PKHD1: variants seen among roughly 807,000 people sequenced by gnomAD.
PKHD1 encodes the protein fibrocystin.
In PKHD1, 291 loss-of-function variants were observed where a neutral mutation model predicts 412.0. The observed-to-expected ratio is 0.71, with a 90% CI of 0.64 to 0.78. The LOEUF is 0.78. PKHD1 is among the 30% of genes least tolerant of loss of function. The pLI, the probability that PKHD1 is intolerant of heterozygous loss-of-function variation, is 0.00. For missense variants in PKHD1, 4,825 were observed against 4,950.7 expected, an observed-to-expected ratio of 0.97 and a Z score of 0.76; for synonymous variants, 1,777 against 1,821.5, an observed-to-expected ratio of 0.98 and a Z score of 0.62.
intron 36 of PKHD1, among the ~76,000 whole-genome samples, chr6:51,956,508 T>C (rs183614311): frequency 1.8e-4 from 27 of 152,220 alleles, no homozygotes; most frequent in Non-Finnish European, 2.6e-4. Context: ...GGCACTGTTC[T>C]AGACCCTGAA....
rs148337538 is a variant in PKHD1 at position 51,699,920 on chromosome 6, AGTGTGT to A, written c.10157-39957_10157-39952del. Among the ~76,000 whole-genome samples the A allele has an allele frequency of 2.7e-3, 371 of 137,898 alleles. 3 individuals are homozygous for A. The highest frequency in any genetic ancestry group is 0.012 in the South Asian group (50 of 4,024). 90.5% of individuals were successfully genotyped at this position (137,898 alleles called of 152,430 possible). A position where few individuals can be genotyped will look rare whatever the true frequency, so the allele number is the denominator to read the frequency against. On this transcript the variant is annotated intron_variant, in intron 60 of 66. Transcript: ENST00000371117. The stretch of plus-strand genomic sequence containing the variant: ...TTTGGCCTCTGGAATATATATATGG[AGTGTGT>A]GTGTGTGTGTGTGTGTGTGTGTGTG...
chr6:51,934,372 G>A (rs377060231), intron 36 of PKHD1, 50 bp from the exon 37 acceptor site: 27 of 1,145,280 alleles, frequency 2.4e-5, no homozygotes, highest in African/African-American at 3.0e-5. Flanking sequence ...AAGGCTTACC[G>A]TTTTGTCAGT....
rs549765844 is a variant in PKHD1, at chr6:51,895,178, G to T, written c.6997-7933C>A. On this transcript the variant is annotated intron_variant, in intron 43 of 66. Transcript: ENST00000371117. Reference sequence around the variant, plus strand: ...ACACAATTAACACTAACTCAGCCAAGAATGGTGGCTCACACCTGTAATTCC... The same window carrying T: ...ACACAATTAACACTAACTCAGCCAATAATGGTGGCTCACACCTGTAATTCC... 1.1e-4 allele frequency among the ~76,000 whole-genome samples: 16 copies of T among 152,350 alleles called. No homozygotes were observed. The South Asian group carries it at 3.3e-3, about 32-fold the overall frequency.
chr6:51,753,426 C>G (rs1332169227), intron 56 of PKHD1, 73 bp from the exon 57 acceptor site: 20 of 1,233,732 alleles, frequency 1.6e-5, no homozygotes, highest in Non-Finnish European at 2.4e-5. Flanking sequence ...GGGGACCCAG[C>G]AAACCTGAGA....
intron 41 of PKHD1, among the ~76,000 whole-genome samples, 163 bp downstream of exon 41, chr6:51,906,052 T>A (rs1225788303): frequency 6.6e-6 from 1 of 152,166 alleles, no homozygotes; most frequent in Non-Finnish European, 1.5e-5. Context: ...AGCCAATCAG[T>A]GATGACTACA....
chr6:51,702,201 C>G (rs10948640), intron 60 of PKHD1, among the ~76,000 whole-genome samples: 49 of 96,886 alleles, frequency 5.1e-4, no homozygotes, highest in African/African-American at 1.4e-3. Flanking sequence ...ATATATTATA[C>G]GTATAATATA....
rs754852008 is a variant in PKHD1 at position 51,903,590 on chromosome 6, A to T, written c.6996+7T>A. Reference sequence around the variant, plus strand: ...TCTGGTCTTCCTGGTAGAGCTGAACATCTTACCTCTATAACATTGGTGGGA... The same window carrying T: ...TCTGGTCTTCCTGGTAGAGCTGAACTTCTTACCTCTATAACATTGGTGGGA... On this transcript the variant is annotated splice_region_variant and intron_variant, in intron 43 of 66. Coordinates refer to ENST00000371117, the MANE Select transcript of PKHD1 (RefSeq NM_138694.4). 3.1e-6 allele frequency: 5 copies of T among 1,608,894 alleles called. No individual in the cohort carries two copies. The Admixed American group carries it at 8.3e-5, about 27-fold the overall frequency.
intron 37 of PKHD1, among the ~76,000 whole-genome samples, chr6:51,931,950 G>A (rs1786685122): frequency 6.6e-6 from 1 of 150,430 alleles, no homozygotes; most frequent in Non-Finnish European, 1.5e-5. Context: ...AGGAAGGGAG[G>A]AAGCATGGAG....
At chr6:51,771,862 A>ATCACGATC (rs1320950941) in intron 55 of PKHD1, among the ~76,000 whole-genome samples, 1 of 152,076 alleles carries the variant, frequency 6.6e-6, no homozygotes, top group African/African-American at 2.4e-5. Context: ...TAGATGTGGC[A>ATCACGATC]TCACGATCTT....
intron 60 of PKHD1, among the ~76,000 whole-genome samples, chr6:51,697,678 T>A (rs531133601): frequency 1.3e-5 from 2 of 152,228 alleles, no homozygotes; most frequent in African/African-American, 4.8e-5. Flanking sequence ...GAGAAGTCAG[T>A]GCTACAGAGG....
intron 35 of PKHD1, among the ~76,000 whole-genome samples, chr6:51,981,304 GCTCAAGCTCTCCCTCTCCCT>G (rs1562045453): frequency 1.4e-4 from 3 of 22,040 alleles, no homozygotes; most frequent in South Asian, 1.4e-3. Context: ...AGGCTCCAAA[GCTCAAGCTCTCCCTCTCCCT>G]CTCCCTCTCC....
At position 51,659,037 on chromosome 6, in the gene PKHD1, G is replaced by A. The variant is rs1772364866; in HGVS notation, c.11089C>T (p.Gln3697Ter). The A allele has an allele frequency of 6.2e-7, 1 of 1,612,610 alleles. No homozygotes were observed. The highest frequency in any genetic ancestry group is 1.7e-4 in the Middle Eastern group (1 of 6,056). Reference protein sequence around the residue: ...QNLAHRVITAQQTGVLENVLN... With the variant: ...QNLAHRVITA ...ACATTCTCTAGTACCCCAGTCTGTT[G>A]AGCAGTGATGACTCGATGAGCCAAA... Residue 3697 changes from glutamine (Q) to a stop codon, truncating the protein, a stop_gained, in exon 61 of 67, where the codon CAA becomes TAA. Transcript: ENST00000371117. LOFTEE classifies it high-confidence loss of function.
chr6:52,060,975 G>A (rs1289617372), intron 14 of PKHD1, among the ~76,000 whole-genome samples: 1 of 152,046 alleles, frequency 6.6e-6, no homozygotes, highest in Non-Finnish European at 1.5e-5. Context: ...CCTCAAAATG[G>A]CAGTTAAAGG....
chr6:51,835,934 C>T (rs1769125299), intron 51 of PKHD1, among the ~76,000 whole-genome samples: 1 of 152,110 alleles, frequency 6.6e-6, no homozygotes, highest in Non-Finnish European at 1.5e-5. Flanking sequence ...TCAGAAGGTG[C>T]TTAGGAGACA....
intron 58 of PKHD1, among the ~76,000 whole-genome samples, chr6:51,747,503 G>C (rs1785354394): frequency 6.6e-6 from 1 of 152,128 alleles, no homozygotes; most frequent in African/African-American, 2.4e-5. Flanking sequence ...CCAGGAGTTT[G>C]AGACCAGCCT....
intron 48 of PKHD1, among the ~76,000 whole-genome samples, chr6:51,864,250 T>C (rs1774675887): frequency 6.6e-6 from 1 of 152,186 alleles, no homozygotes; most frequent in South Asian, 2.1e-4. Flanking sequence ...GGAAGCTCCA[T>C]GACACATTAG....
rs1240212722 is a variant in PKHD1, at chr6:51,882,440, T to C, written c.7350+653A>G. Among the ~76,000 whole-genome samples, 1 of 152,214 alleles carries C rather than the reference T, an allele frequency of 6.6e-6. No homozygotes were observed. The highest frequency in any genetic ancestry group is 2.4e-5 in the African/African-American group (1 of 41,448). ...ATGGAAGTATAAGAATCAAAACTTA[T>C]CATTTAAATTTCAATTGAACTAAGC... On this transcript the variant is annotated intron_variant, in intron 46 of 66. Coordinates refer to ENST00000371117, the MANE Select transcript of PKHD1 (RefSeq NM_138694.4).
At chr6:52,076,539 A>G (rs1811353017) in intron 5 of PKHD1, among the ~76,000 whole-genome samples, 1 of 152,204 alleles carries the variant, frequency 6.6e-6, no homozygotes, top group African/African-American at 2.4e-5. Flanking sequence ...TCTCCTATAG[A>G]TGAGGTAGAG....
intron 60 of PKHD1, among the ~76,000 whole-genome samples, chr6:51,695,313 C>T (rs582669): frequency 0.55 from 83,021 of 151,880 alleles, 25,016 homozygotes; most frequent in Non-Finnish European, 0.7. Flanking sequence ...TTGAAGCTTT[C>T]AACTTGTCTT....
Sources: allele counts gnomAD v4.1 joint callset (sites outside exome capture counted in the v4.1 genomes callset), GRCh38; gene constraint gnomAD v4.1.1; transcripts MANE v1.5; gene names NCBI Gene and HGNC (gene_info 2026-07-23, HGNC 2026-07-21).